Variants in GNB1 observed in about 807,000 individuals in gnomAD.
GNB1 encodes guanine nucleotide-binding protein G(I)/G(S)/G(T) subunit beta-1.
Under a neutral mutation model 42.9 loss-of-function variants are expected in GNB1, and 2 were observed. The ratio of observed to expected loss-of-function variants is 0.05; its 90% CI spans 0.02 to 0.15. The LOEUF is 0.15. Ranked by LOEUF, GNB1 falls within the 10% of genes least tolerant of loss-of-function variation. The probability of loss-of-function intolerance (pLI) is 1.00; values close to 1 mark genes in which losing one functional copy is unlikely to be tolerated. For synonymous variants in GNB1, 183 were observed against 174.7 expected (o/e 1.05, Z -0.38); for missense variants, 193 against 462.2 (o/e 0.42, Z 5.34).
intron 4 of GNB1, among the ~76,000 whole-genome samples, chr1:1,817,029 C>A (rs1396497443): frequency 1.3e-5 from 2 of 152,096 alleles, no homozygotes; most frequent in Non-Finnish European, 2.9e-5. Flanking sequence ...ACCACTGCCA[C>A]CATCTAGTTC....
At chr1:1,804,743 A>G (rs1397302857) in intron 6 of GNB1, among the ~76,000 whole-genome samples, 162 bp from the exon 7 acceptor site, 2 of 152,250 alleles carry the variant, frequency 1.3e-5, no homozygotes, top group Non-Finnish European at 2.9e-5. Flanking sequence ...ACTCAGGTGA[A>G]GCATACTTAA....
intron 1 of GNB1, among the ~76,000 whole-genome samples, chr1:1,854,943 G>A (rs1648188676): frequency 1.3e-5 from 2 of 151,702 alleles, no homozygotes; most frequent in African/African-American, 4.8e-5. Context: ...GGTGGATCAC[G>A]AGGTCAGGAG....
chr1:1,826,672 C>G (rs1025183583), intron 2 of GNB1, among the ~76,000 whole-genome samples: 15 of 152,094 alleles, frequency 9.9e-5, no homozygotes, highest in African/African-American at 3.4e-4. Flanking sequence ...CCCTGGGATC[C>G]CAGGAGGCTC....
intron 1 of GNB1, among the ~76,000 whole-genome samples, chr1:1,854,102 C>A (rs555303432): frequency 3.9e-5 from 6 of 152,092 alleles, no homozygotes; most frequent in African/African-American, 1.4e-4. Flanking sequence ...GCTTGTTGGT[C>A]GAGGAAGGCA....
chr1:1,789,108 A>G lies in GNB1; in HGVS notation c.861T>C (p.Ala287=), dbSNP rs151315046. ...SFSKSGRLLL[A]GYDDFNCNVW... is the part of the protein sequence containing the mutation. ...CGTTGCAGTTGAAGTCGTCGTACCC[A>G]GCAAGGAGGAGGCGCCCGCTCTTGG... The change falls in exon 10 of 12, where the codon GCT becomes GCC. Residue 287 remains alanine, a synonymous_variant. Coordinates refer to ENST00000378609, the MANE Select transcript of GNB1 (RefSeq NM_002074.5). 8.6e-5 allele frequency: 139 copies of G among 1,614,224 alleles called. No homozygotes were observed. Among genetic ancestry groups the G allele is most frequent in the Middle Eastern group, 1.6e-4 (1 of 6,062 alleles).
rs1292499455 is a variant in GNB1, at chr1:1,815,837, C to T, written c.122G>A (p.Gly41Glu). Residue 41 changes from glycine (G) to glutamate (E), a missense_variant, in exon 5 of 12, where the codon GGA becomes GAA. Physicochemically the swap from Gly to Glu is moderately conservative, Grantham distance 98 (BLOSUM62 -2). Coordinates refer to ENST00000378609, the MANE Select transcript of GNB1 (RefSeq NM_002074.5). The part of the protein sequence containing the change: ...SQITNNIDPV[G>E]RIQMRTRRTL... ...CCTCCTCGTGCGCATTTGGATTCTT[C>T]CCACTGGGTCGATGTTGTTTGTGAT... The T allele has an allele frequency of 6.2e-7, 1 of 1,605,730 alleles. No individual in the cohort carries two copies. Among genetic ancestry groups the T allele is most frequent in the South Asian group, 1.1e-5 (1 of 90,870 alleles).
At chr1:1,801,004 T>C (rs1646618438) in intron 7 of GNB1, among the ~76,000 whole-genome samples, 2 of 152,208 alleles carry the variant, frequency 1.3e-5, no homozygotes, top group African/African-American at 4.8e-5. Flanking sequence ...ACATGGAAGA[T>C]CTCTCTGGAG....
Position 1,890,824 on chromosome 1 carries a change from G to A in GNB1, c.-100C>T, listed in dbSNP as rs1650466159. 6.8e-6 allele frequency: 1 copy of A among 148,136 alleles called. No individual in the cohort carries two copies. The highest frequency in any genetic ancestry group is 1.5e-5 in the Non-Finnish European group (1 of 66,570). The allele number at this position is 148,136 out of a possible 1,614,324, so 9.2% of individuals were successfully genotyped here. On this transcript the variant is annotated 5_prime_UTR_variant, in exon 1 of 12. Coordinates refer to ENST00000378609, the MANE Select transcript of GNB1 (RefSeq NM_002074.5). ...GCTGGGGGCTGCCGCGCTCACCTCA[G>A]CGCCCTCGTCGCGGCCTGACGCGCC...
intron 3 of GNB1, among the ~76,000 whole-genome samples, chr1:1,823,614 A>G (rs1241046469): frequency 6.6e-6 from 1 of 152,124 alleles, no homozygotes; most frequent in Non-Finnish European, 1.5e-5. Context: ...TTCCCTATTC[A>G]CCTATGTAAG....
intron 1 of GNB1, among the ~76,000 whole-genome samples, chr1:1,873,357 A>ACT (rs1649355167): frequency 6.6e-6 from 1 of 152,230 alleles, no homozygotes; most frequent in African/African-American, 2.4e-5. Context: ...TTGGAGAGGC[A>ACT]GGCTGAGGAG....
At chr1:1,846,716 A>C (rs1411634731) in intron 1 of GNB1, among the ~76,000 whole-genome samples, 1 of 152,118 alleles carries the variant, frequency 6.6e-6, no homozygotes, top group Admixed American at 6.6e-5. Context: ...GCCACACTGC[A>C]CGTGACTAAA....
At chr1:1,825,615 A>G (rs113132413) in intron 2 of GNB1, 116 bp from the exon 3 acceptor site, 3 of 651,198 alleles carry the variant, frequency 4.6e-6, no homozygotes. Context: ...CTGTAATCCC[A>G]GCACTTTGGG....
At chr1:1,869,661 C>T (rs1649140079) in intron 1 of GNB1, among the ~76,000 whole-genome samples, 1 of 152,168 alleles carries the variant, frequency 6.6e-6, no homozygotes, top group Admixed American at 6.6e-5. Flanking sequence ...TTCCTCTTTT[C>T]TGCCTCTTCT....
At chr1:1,872,169 T>A (rs527586908) in intron 1 of GNB1, among the ~76,000 whole-genome samples, 9 of 152,198 alleles carry the variant, frequency 5.9e-5, no homozygotes, top group African/African-American at 1.9e-4. Flanking sequence ...GCCCAGCTAA[T>A]TTTTTCTTTT....
chr1:1,841,169 C>T (rs866821997), intron 1 of GNB1, among the ~76,000 whole-genome samples: 36 of 151,942 alleles, frequency 2.4e-4, no homozygotes, highest in African/African-American at 8.5e-4. Context: ...GGATTACAGG[C>T]GTGAGCCACT....
chr1:1,888,285 C>T (rs1293562021), intron 1 of GNB1, among the ~76,000 whole-genome samples: 2 of 151,780 alleles, frequency 1.3e-5, no homozygotes, highest in African/African-American at 4.8e-5. Context: ...GTCATCCTCA[C>T]ACTGGGCCTG....
chr1:1,852,311 C>G (rs1648031780), intron 1 of GNB1, among the ~76,000 whole-genome samples: 1 of 151,978 alleles, frequency 6.6e-6, no homozygotes, highest in Admixed American at 6.6e-5. Flanking sequence ...TCACTGCAAG[C>G]TCCGCCTCCC....
intron 1 of GNB1, among the ~76,000 whole-genome samples, chr1:1,844,698 C>T (rs953417149): frequency 6.6e-6 from 1 of 152,152 alleles, no homozygotes; most frequent in African/African-American, 2.4e-5. Flanking sequence ...TGGTTATCTA[C>T]AATTCTGAGA....
At chr1:1,876,987 A>G (rs542222702) in intron 1 of GNB1, among the ~76,000 whole-genome samples, 22 of 152,288 alleles carry the variant, frequency 1.4e-4, no homozygotes, top group Non-Finnish European at 1.2e-4. Context: ...TACAAAGTAG[A>G]AAAATCACAA....
Sources: gnomAD v4.1 joint callset for allele counts (sites outside exome capture counted in the v4.1 genomes callset) on GRCh38, gnomAD v4.1.1 for gene constraint, MANE v1.5 for transcripts, NCBI Gene and HGNC (gene_info 2026-07-23, HGNC 2026-07-21) for gene names.